Variants in TEKTL1 observed in about 807,000 individuals in gnomAD.
TEKTL1 encodes the protein tektin-like protein 1.
At chr19:15,011,109 T>C in the TEKTL1 span, 2 of 1,560,688 alleles carry the variant, frequency 1.3e-6, no homozygotes. Flanking sequence ...GGCGTCACGC[T>C]GTGGAAGGGC....
the TEKTL1 span, among the ~76,000 whole-genome samples, chr19:15,017,966 A>G: frequency 2.0e-5 from 3 of 152,058 alleles, no homozygotes; most frequent in South Asian, 6.3e-4. Flanking sequence ...AGGCTGAGGC[A>G]GGAGGATCAC....
the TEKTL1 span, chr19:15,020,721 A>G: frequency 7.0e-7 from 1 of 1,423,542 alleles, no homozygotes; most frequent in Non-Finnish European, 9.6e-7. Flanking sequence ...CTGTCAGTGC[A>G]GCCCGTCGCC....
At chr19:15,018,585 T>A in the TEKTL1 span, among the ~76,000 whole-genome samples, 70 of 149,910 alleles carry the variant, frequency 4.7e-4, no homozygotes, top group African/African-American at 1.6e-3. Context: ...TGGTGGCATG[T>A]GTCTGGTGTC....
At chr19:15,023,124 C>A in the TEKTL1 span, 2 of 1,578,228 alleles carry the variant, frequency 1.3e-6, no homozygotes, top group Non-Finnish European at 1.7e-6. Flanking sequence ...CCCTAGTGAC[C>A]CCAGCGTCCC....
the TEKTL1 span, among the ~76,000 whole-genome samples, chr19:15,012,253 C>T: frequency 6.6e-6 from 1 of 151,710 alleles, no homozygotes; most frequent in African/African-American, 2.4e-5. Flanking sequence ...ACAGTGAGAT[C>T]CCATCTCTCC....
chr19:15,016,221 A>G, the TEKTL1 span, among the ~76,000 whole-genome samples: 485 of 102,428 alleles, frequency 4.7e-3, 5 homozygotes, highest in African/African-American at 0.018. Flanking sequence ...AGTTGGCTCT[A>G]TTGCCCAGGC....
At chr19:15,014,738 C>CGGGGGGGGGGGGGGGGGGGG in the TEKTL1 span, among the ~76,000 whole-genome samples, 1 of 29,802 alleles carries the variant, frequency 3.4e-5, no homozygotes, top group African/African-American at 1.3e-4. Flanking sequence ...GGGCGGGGGG[C>CGGGGGGGGGGGGGGGGGGGG]GGGGGCTGCT....
At chr19:15,021,569 C>CG in the TEKTL1 span, 1 of 1,613,310 alleles carries the variant, frequency 6.2e-7, no homozygotes, top group African/African-American at 1.3e-5. Context: ...GGGGAGGAGA[C>CG]GCGGACTGGG....
At chr19:15,022,573 C>T in the TEKTL1 span, among the ~76,000 whole-genome samples, 1 of 152,054 alleles carries the variant, frequency 6.6e-6, no homozygotes, top group Non-Finnish European at 1.5e-5. Flanking sequence ...AGGTGATCCG[C>T]CCGCCTCGGC....
At chr19:15,013,621 T>G in the TEKTL1 span, 1 of 1,405,920 alleles carries the variant, frequency 7.1e-7, no homozygotes, top group South Asian at 1.2e-5. Context: ...AAGAGGAATC[T>G]CTTCCCAGCC....
chr19:15,022,833 C>T, the TEKTL1 span: 3 of 1,545,986 alleles, frequency 1.9e-6, no homozygotes, highest in African/African-American at 4.1e-5. Flanking sequence ...AGGTAGCCAT[C>T]TGCTCTGGCT....
chr19:15,021,559 G>T, the TEKTL1 span: 7 of 1,613,430 alleles, frequency 4.3e-6, no homozygotes, highest in Admixed American at 1.2e-4. Flanking sequence ...GGGTGGGACA[G>T]GGGAGGAGAC....
At chr19:15,013,892 A>C in the TEKTL1 span, 1 of 648,176 alleles carries the variant, frequency 1.5e-6, no homozygotes. Context: ...AGCCACACTG[A>C]CCAGATATTC....
chr19:15,020,802 C>T, the TEKTL1 span: 1 of 679,990 alleles, frequency 1.5e-6, no homozygotes. Context: ...TCATGCTGAG[C>T]ACACATTGTC....
chr19:15,011,259 AC>A, the TEKTL1 span: 1 of 1,515,040 alleles, frequency 6.6e-7, no homozygotes, highest in Non-Finnish European at 8.8e-7. Context: ...CGCGCGCAGC[AC>A]CAGATTAACG....
chr19:15,019,441 T>G, the TEKTL1 span, among the ~76,000 whole-genome samples: 2 of 152,228 alleles, frequency 1.3e-5, no homozygotes, highest in Non-Finnish European at 2.9e-5. Context: ...TTAATTAGTT[T>G]GATAACATCC....
the TEKTL1 span, chr19:15,010,890 G>A: frequency 6.4e-7 from 1 of 1,564,876 alleles, no homozygotes. Context: ...CCAGCATGGC[G>A]CGAGGCAGCT....
the TEKTL1 span, among the ~76,000 whole-genome samples, chr19:15,016,210 G>C: frequency 5.7e-5 from 2 of 34,982 alleles, no homozygotes; most frequent in African/African-American, 2.5e-4. Context: ...TTTTTTTTTT[G>C]AGTTGGCTCT....
At chr19:15,011,117 G>A in the TEKTL1 span, 1 of 1,551,982 alleles carries the variant, frequency 6.4e-7, no homozygotes, top group Non-Finnish European at 8.7e-7. Flanking sequence ...GCTGTGGAAG[G>A]GCAAGATGAA....
Sources: gnomAD v4.1 joint callset for allele counts (sites outside exome capture counted in the v4.1 genomes callset) on GRCh38, gnomAD v4.1.1 for gene constraint, MANE v1.5 for transcripts, NCBI Gene and HGNC (gene_info 2026-07-23, HGNC 2026-07-21) for gene names.